Variants in ALS2CL observed in about 807,000 individuals in gnomAD.
ALS2CL encodes ALS2 C-terminal-like protein.
ALS2CL carries 112 observed loss-of-function variants against 127.9 expected under a neutral mutation model. The observed-to-expected ratio is 0.88, with a 90% CI of 0.75 to 1.02. The LOEUF (loss-of-function observed/expected upper bound fraction) is 1.02. Among genes scored for constraint, ALS2CL ranks in the 50% least tolerant of loss-of-function variants. The probability of loss-of-function intolerance (pLI) is 0.00; values close to 1 mark genes in which losing one functional copy is unlikely to be tolerated. For synonymous variants in ALS2CL, 519 were observed against 527.6 expected, an observed-to-expected ratio of 0.98 and a Z score of 0.22; for missense variants, 1,174 against 1,236.7, an observed-to-expected ratio of 0.95 and a Z score of 0.76.
In ALS2CL at chr3:46,670,813, C is replaced by A; in HGVS notation, c.*171G>T. On this transcript the variant is annotated 3_prime_UTR_variant, in exon 26 of 26. Transcript: ENST00000318962. This position sits in a 1 kb window ranked among gnomAD's most constrained non-coding sequence, Gnocchi z 5.5. ...CCACATCCAGGGCCACACCCGTCACCCCTCACCCTCATCCCAGTCAGGGCA... is the reference window on the plus strand; with the variant it reads ...CCACATCCAGGGCCACACCCGTCACACCTCACCCTCATCCCAGTCAGGGCA... 1.5e-6 allele frequency: 1 copy of A among 663,970 alleles called. No homozygotes were observed. The highest frequency in any genetic ancestry group is 1.8e-5 in the South Asian group (1 of 57,086). 41.1% of individuals were successfully genotyped at this position (663,970 alleles called of 1,614,324 possible). A position where few individuals can be genotyped will look rare whatever the true frequency, so the allele number is the denominator to read the frequency against.
chr3:46,693,066 T>A (rs898502477), intron 1 of ALS2CL, among the ~76,000 whole-genome samples: 2 of 152,110 alleles, frequency 1.3e-5, no homozygotes, highest in Non-Finnish European at 2.9e-5. Context: ...CGCTGAACTG[T>A]CACACCTGAT....
intron 4 of ALS2CL, 23 bp from the exon 5 acceptor site, chr3:46,687,171 A>C: frequency 6.6e-7 from 1 of 1,508,248 alleles, no homozygotes; most frequent in Admixed American, 2.1e-5. Context: ...AGGGCCACGC[A>C]CCACCTTCAC....
At chr3:46,676,807 C>T (rs762902854) in intron 17 of ALS2CL, 42 bp downstream of exon 17, 17 of 1,604,912 alleles carry the variant, frequency 1.1e-5, no homozygotes, top group South Asian at 4.4e-5. Flanking sequence ...AAGCCCTCCC[C>T]AGCCCACCCT....
intron 13 of ALS2CL, 194 bp from the exon 14 acceptor site, chr3:46,680,735 C>T (rs1289884858): frequency 1.7e-6 from 1 of 590,012 alleles, no homozygotes. Context: ...GGGAGGCAGC[C>T]TGGGAAGGGC....
At position 46,678,254 on chromosome 3, in the gene ALS2CL, C is replaced by G. The variant is rs1179479310; in HGVS notation, c.1757+5G>C. ...GGCCCAGAGCCAGAGGGGCCAGGCACTCACCTCTTGCAGGTACTGCTCGGG... is the reference window on the plus strand; with the variant it reads ...GGCCCAGAGCCAGAGGGGCCAGGCAGTCACCTCTTGCAGGTACTGCTCGGG... On this transcript the variant is annotated splice_donor_5th_base_variant and intron_variant, in intron 16 of 25. Transcript: ENST00000318962. 1.3e-6 allele frequency: 2 copies of G among 1,575,968 alleles called. No homozygotes were observed. The highest frequency in any genetic ancestry group is 1.7e-4 in the Middle Eastern group (1 of 5,750).
At chr3:46,680,650 T>C in intron 13 of ALS2CL, 109 bp from the exon 14 acceptor site, 1 of 870,124 alleles carries the variant, frequency 1.1e-6, no homozygotes, top group South Asian at 1.6e-5. Context: ...GGCAGTGACA[T>C]CACCTGAATC....
rs1575444050 is a variant in ALS2CL at position 46,686,268 on chromosome 3, G to A, written c.666+40C>T. On this transcript the variant is annotated intron_variant, in intron 6 of 25. Transcript: ENST00000318962. The surrounding 1 kb of genome is among the most constrained non-coding windows in gnomAD (Gnocchi z 4.3). ...CCCCCAACATCTCCATGCCCAATGT[G>A]GAACCCCCTCCCTAACTGCCCCTCA... The A allele has an allele frequency of 1.9e-6, 3 of 1,570,548 alleles. No homozygotes were observed. Among genetic ancestry groups the A allele is most frequent in the Non-Finnish European group, 1.7e-6 (2 of 1,158,434 alleles).
At chr3:46,684,561 T>A (rs1233248390) in intron 7 of ALS2CL, among the ~76,000 whole-genome samples, 3 of 152,214 alleles carry the variant, frequency 2.0e-5, no homozygotes. Context: ...GAAGATTTTG[T>A]GTAGCAACTT....
chr3:46,678,039 A>G (rs1044277101), intron 16 of ALS2CL, among the ~76,000 whole-genome samples: 2 of 151,404 alleles, frequency 1.3e-5, no homozygotes, highest in Non-Finnish European at 2.9e-5. Flanking sequence ...AAAGCCTACA[A>G]ATAATATTTC....
At chr3:46,671,833 G>T in intron 24 of ALS2CL, 51 bp downstream of exon 24, 1 of 1,606,454 alleles carries the variant, frequency 6.2e-7, no homozygotes, top group Non-Finnish European at 8.5e-7. Context: ...TATCGTGGTT[G>T]GGGGTGGGAC....
At chr3:46,673,216 AACCCACCCT>A in intron 22 of ALS2CL, 114 bp downstream of exon 22, 1 of 550,092 alleles carries the variant, frequency 1.8e-6, no homozygotes, top group Non-Finnish European at 3.0e-6. Flanking sequence ...GTCTCCTCCC[AACCCACCCT>A]GCCCCTCCCC....
At chr3:46,685,252 T>A (rs976819334) in intron 7 of ALS2CL, among the ~76,000 whole-genome samples, 1 of 152,164 alleles carries the variant, frequency 6.6e-6, no homozygotes, top group Non-Finnish European at 1.5e-5. Flanking sequence ...ACATTCCCGA[T>A]GGGAAAACGA....
rs375994138 is a variant in ALS2CL at position 46,674,395 on chromosome 3, G to C, written c.2429+171C>G. Among the ~76,000 whole-genome samples the C allele has an allele frequency of 8.1e-4, 124 of 152,298 alleles. 2 individuals carry two copies. In the South Asian group the frequency reaches 0.024, roughly 30 times the overall value. On this transcript the variant is annotated intron_variant, in intron 21 of 25. Transcript: ENST00000318962. ...AGAAAGACCAACAGAAATGGAAGGT[G>C]CTTCCCTCTGTCATTCAGTTGAACA...
At position 46,687,661 on chromosome 3, in the gene ALS2CL, C is replaced by T. The variant is rs1223015086; in HGVS notation, c.326G>A (p.Cys109Tyr). The T allele has an allele frequency of 6.8e-6, 11 of 1,613,116 alleles. No homozygotes were observed. The East Asian group carries it at 2.5e-4, about 36-fold the overall frequency. Residue 109 changes from cysteine (C) to tyrosine (Y), a missense_variant, in exon 4 of 26, where the codon TGC becomes TAC. Cys to Tyr is a radical substitution (Grantham distance 194). Transcript: ENST00000318962. ...CTTCTGGAAGGCCTGCACCACCATG[C>T]AGCTTGTGTAGGACTCAATGTACCT... ...HIEYIESYTS[C>Y]MVVQAFQKAA...
At chr3:46,675,910 G>A (rs527521239) in intron 19 of ALS2CL, 2 of 1,431,528 alleles carry the variant, frequency 1.4e-6, no homozygotes, top group African/African-American at 1.4e-5. Context: ...TCTATTTGCA[G>A]TGTTTCATGG....
At position 46,671,586 on chromosome 3, in the gene ALS2CL, T is replaced by C. The variant is rs111301122; in HGVS notation, c.2685-2A>G. 1.2e-6 allele frequency: 2 copies of C among 1,613,624 alleles called. No individual in the cohort carries two copies. The highest frequency in any genetic ancestry group is 8.5e-7 in the Non-Finnish European group (1 of 1,179,852). On this transcript the variant is annotated splice_acceptor_variant, in intron 24 of 25. Transcript: ENST00000318962. LOFTEE classifies it high-confidence loss of function. ...ATCTCGGCTCCCAGGTGCTGAATTC[T>C]GGAGAACACCGCCCCACCAAGAGAG... is the stretch of plus-strand genomic sequence containing the variant.
intron 14 of ALS2CL, chr3:46,679,518 G>A (rs1171276588): frequency 1.2e-5 from 4 of 331,836 alleles, no homozygotes; most frequent in East Asian, 1.1e-4. Context: ...GACACCCTCC[G>A]CCCTGGCTCC....
rs748006382 is a variant in ALS2CL, at chr3:46,670,995, C to A, written c.2851G>T (p.Glu951Ter). The change falls in exon 26 of 26, where the codon GAG (glutamate) becomes TAG (stop). Residue 951 changes from glutamate (E) to a stop codon, truncating the protein, a stop_gained. Transcript: ENST00000318962. LOFTEE classifies it high-confidence loss of function. This position sits in a 1 kb window ranked among gnomAD's most constrained non-coding sequence, Gnocchi z 5.5. ...HRLPGHWHSR[E>*]LW is the part of the protein sequence containing the mutation. ...CAGGAAAGGCCAGGCTACCAGAGCT[C>A]CCTGGAGTGCCAGTGGCCAGGTAAG... 1.9e-6 allele frequency: 3 copies of A among 1,614,104 alleles called. No individual in the cohort carries two copies. The South Asian group carries it at 3.3e-5, about 18-fold the overall frequency.
intron 20 of ALS2CL, chr3:46,674,984 T>C: frequency 2.4e-6 from 1 of 424,774 alleles, no homozygotes; most frequent in Non-Finnish European, 4.1e-6. Flanking sequence ...TGGATCCCCA[T>C]TTGACTGAAA....
Sources: allele counts gnomAD v4.1 joint callset (sites outside exome capture counted in the v4.1 genomes callset), GRCh38; gene constraint gnomAD v4.1.1; non-coding constraint Gnocchi (gnomAD v3.1); transcripts MANE v1.5; gene names NCBI Gene and HGNC (gene_info 2026-07-23, HGNC 2026-07-21).